The following DNAH5 variants were observed in gnomAD, a reference collection of about 807,000 sequenced individuals.
DNAH5 encodes axonemal beta dynein heavy chain 5.
In DNAH5, 372 loss-of-function variants were observed where a neutral mutation model predicts 518.2. That is an observed-to-expected ratio of 0.72 (90% CI 0.66 to 0.78). The LOEUF is 0.78. Ranked by LOEUF, DNAH5 falls within the 30% of genes least tolerant of loss-of-function variation. DNAH5 has a pLI of 0.00. For synonymous variants in DNAH5, 2,039 were observed against 2,025.9 expected, an observed-to-expected ratio of 1.01 and a Z score of -0.17; for missense variants, 5,523 against 5,687.0, an observed-to-expected ratio of 0.97 and a Z score of 0.93.
intron 10 of DNAH5, among the ~76,000 whole-genome samples, chr5:13,914,248 C>CT (rs1270612948): frequency 2.0e-5 from 3 of 152,038 alleles, no homozygotes; most frequent in African/African-American, 4.8e-5. Flanking sequence ...CTCCATTCAT[C>CT]TTAAAGATGC....
At chr5:13,739,854 C>G (rs568719294) in intron 65 of DNAH5, among the ~76,000 whole-genome samples, 1 of 152,256 alleles carries the variant, frequency 6.6e-6, no homozygotes, top group South Asian at 2.1e-4. Context: ...CCCCATACTA[C>G]TCCATGAATT....
At chr5:13,731,681 G>A (rs184414221) in intron 68 of DNAH5, among the ~76,000 whole-genome samples, 1 of 152,282 alleles carries the variant, frequency 6.6e-6, no homozygotes, top group East Asian at 1.9e-4. Context: ...GTAAGTTGGA[G>A]TTTTTACCGT....
rs752086486 is a variant in DNAH5, at chr5:13,780,854, C to T, written c.8926G>A (p.Val2976Ile). Residue 2976 changes from valine to isoleucine, a missense_variant, in exon 53 of 79, where the codon GTT (valine) becomes ATT (isoleucine). Val to Ile is a conservative substitution (Grantham distance 29). Around this residue, in one of 3 missense-constraint regions of DNAH5, gnomAD observed 5,121 missense variants for 5,223.3 expected, o/e 0.98. Coordinates refer to ENST00000265104, the MANE Select transcript of DNAH5 (RefSeq NM_001369.3). Reference protein sequence around the residue: ...TRLASFIAGYVSFQITLTRSY... With the variant: ...TRLASFIAGYISFQITLTRSY... ...CTCGTCAGAGTGATCTGGAAGGAAA[C>T]GTAGCCAGCAATGAATGAAGCCAAC... is the stretch of plus-strand genomic sequence containing the variant. 6.2e-6 allele frequency: 10 copies of T among 1,613,652 alleles called. No individual in the cohort carries two copies. Among genetic ancestry groups the T allele is most frequent in the Admixed American group, 1.7e-5 (1 of 59,990 alleles).
intron 1 of DNAH5, among the ~76,000 whole-genome samples, chr5:13,941,050 C>T (rs1038404172): frequency 9.2e-6 from 1 of 108,686 alleles, no homozygotes; most frequent in African/African-American, 3.3e-5. Flanking sequence ...CTAGAGAGTG[C>T]TCAGTGGGCC....
chr5:13,931,550 T>C (rs1287824528), intron 1 of DNAH5, among the ~76,000 whole-genome samples: 3 of 152,238 alleles, frequency 2.0e-5, no homozygotes, highest in East Asian at 1.9e-4. Flanking sequence ...TTTCTATGCA[T>C]ATATAAGCAT....
chr5:13,993,312 T>C (rs531658511), intron 1 of DNAH5, among the ~76,000 whole-genome samples: 63 of 152,306 alleles, frequency 4.1e-4, no homozygotes, highest in African/African-American at 1.5e-3. Flanking sequence ...TGTCTCTAAA[T>C]TTTCTCTTTA....
At chr5:13,814,465 T>C (rs1043150823) in intron 43 of DNAH5, 140 bp downstream of exon 43, 2 of 803,308 alleles carry the variant, frequency 2.5e-6, no homozygotes, top group Admixed American at 2.0e-5. Context: ...AATGTCCCAG[T>C]GCATTCAAGT....
chr5:13,839,265 G>A (rs909689726), intron 35 of DNAH5, 91 bp downstream of exon 35: 1 of 1,141,806 alleles, frequency 8.8e-7, no homozygotes, highest in Admixed American at 1.8e-5. Context: ...AGTATAAAGA[G>A]CCTATAAACC....
intron 49 of DNAH5, 44 bp downstream of exon 49, chr5:13,793,471 G>A (rs1451361749): frequency 2.0e-6 from 3 of 1,530,990 alleles, no homozygotes; most frequent in Non-Finnish European, 2.7e-6. Flanking sequence ...ACCCAAGCAG[G>A]TGTTCTTCCT....
At chr5:13,990,396 C>T (rs184782032) in intron 1 of DNAH5, among the ~76,000 whole-genome samples, 22 of 151,746 alleles carry the variant, frequency 1.4e-4, no homozygotes, top group Admixed American at 5.3e-4. Flanking sequence ...TCCAAACACA[C>T]GAAAAAATTA....
intron 1 of DNAH5, among the ~76,000 whole-genome samples, chr5:13,958,040 T>C (rs1308604721): frequency 2.0e-5 from 3 of 151,946 alleles, no homozygotes; most frequent in Non-Finnish European, 4.4e-5. Flanking sequence ...TTATTGAATA[T>C]TCTTCAAAAT....
Position 13,919,363 on chromosome 5 carries a change from G to A in DNAH5, c.799-11C>T, listed in dbSNP as rs371868451. 20 of 1,613,060 alleles carry A rather than the reference G, an allele frequency of 1.2e-5. No homozygotes were observed. Among genetic ancestry groups the A allele is most frequent in the East Asian group, 6.7e-5 (3 of 44,882 alleles). ...GTTTTCAGCAAGAACCTGCAAATGC[G>A]CGGGGAAAAACACGAGCCATTGCAC... is the stretch of plus-strand genomic sequence containing the variant. On this transcript the variant is annotated splice_polypyrimidine_tract_variant and intron_variant, in intron 6 of 78. Coordinates refer to ENST00000265104, the MANE Select transcript of DNAH5 (RefSeq NM_001369.3).
chr5:13,897,248 T>C (rs1399367876), intron 15 of DNAH5, among the ~76,000 whole-genome samples: 1 of 152,260 alleles, frequency 6.6e-6, no homozygotes, highest in Non-Finnish European at 1.5e-5. Flanking sequence ...TTTCTGGTTC[T>C]ATTCGCAGCT....
intron 29 of DNAH5, chr5:13,860,425 T>C (rs1212807505): frequency 2.6e-5 from 4 of 152,340 alleles, no homozygotes; most frequent in Admixed American, 2.6e-4. Context: ...TACTGATGCC[T>C]GCCTGGGTCC....
chr5:13,888,941 C>A (rs1772800645), intron 17 of DNAH5, among the ~76,000 whole-genome samples: 1 of 152,138 alleles, frequency 6.6e-6, no homozygotes, highest in African/African-American at 2.4e-5. Context: ...TACAGTATAT[C>A]AACTCAACAG....
intron 35 of DNAH5, 67 bp from the exon 36 acceptor site, chr5:13,830,842 G>A (rs1248165885): frequency 6.6e-7 from 1 of 1,519,392 alleles, no homozygotes; most frequent in Non-Finnish European, 9.1e-7. Flanking sequence ...AGACATCACA[G>A]TGGCATGAAA....
At chr5:13,754,787 C>A (rs1750753362) in intron 61 of DNAH5, among the ~76,000 whole-genome samples, 1 of 152,082 alleles carries the variant, frequency 6.6e-6, no homozygotes, top group Non-Finnish European at 1.5e-5. Flanking sequence ...ATCCGCCAAC[C>A]TAAGCCTCCC....
chr5:13,874,941 T>C lies in DNAH5; in HGVS notation c.3396+1743A>G, dbSNP rs150096528. 3.5e-4 allele frequency among the ~76,000 whole-genome samples: 53 copies of C among 152,278 alleles called. 1 individual carries two copies. Among genetic ancestry groups the C allele is most frequent in the African/African-American group, 1.2e-3 (50 of 41,568 alleles). ...AGCAACAGGAAAGGGGCAGGGATCA[T>C]AGGACTTTCTGTGGTTGAGGCAGAA... On this transcript the variant is annotated intron_variant, in intron 22 of 78. Coordinates refer to ENST00000265104, the MANE Select transcript of DNAH5 (RefSeq NM_001369.3).
chr5:13,908,236 T>C (rs1561548544), intron 12 of DNAH5, among the ~76,000 whole-genome samples: 1 of 152,148 alleles, frequency 6.6e-6, no homozygotes, highest in African/African-American at 2.4e-5. Flanking sequence ...GTCCACATCC[T>C]AGGATGAAAA....
Sources: allele counts gnomAD v4.1 joint callset (sites outside exome capture counted in the v4.1 genomes callset), GRCh38; gene constraint gnomAD v4.1.1; regional missense constraint gnomAD v4.1.1; transcripts MANE v1.5; gene names NCBI Gene and HGNC (gene_info 2026-07-23, HGNC 2026-07-21).